MAMDC2: variants seen among roughly 807,000 people sequenced by gnomAD.
MAMDC2 encodes MAM domain containing 2, also known as MAM domain-containing protein 2.
A neutral mutation model predicts 89.8 loss-of-function variants in MAMDC2; 57 were observed. The ratio of observed to expected loss-of-function variants is 0.63; its 90% CI spans 0.51 to 0.79. MAMDC2 has a LOEUF of 0.79. Ranked by LOEUF, MAMDC2 falls within the 30% of genes least tolerant of loss-of-function variation. The pLI is 0.00. For synonymous variants in MAMDC2, 313 were observed against 293.4 expected, an observed-to-expected ratio of 1.07 and a Z score of -0.68; for missense variants, 800 against 820.6, an observed-to-expected ratio of 0.97 and a Z score of 0.31.
At chr9:70,049,397 T>A (rs1038822159) in intron 2 of MAMDC2, among the ~76,000 whole-genome samples, 1 of 152,100 alleles carries the variant, frequency 6.6e-6, no homozygotes, top group African/African-American at 2.4e-5. Context: ...CAGTGATGAA[T>A]CCTGCCTGCT....
chr9:70,206,687 T>G (rs1288464268), intron 11 of MAMDC2, among the ~76,000 whole-genome samples: 2 of 152,128 alleles, frequency 1.3e-5, no homozygotes, highest in Non-Finnish European at 2.9e-5. Context: ...CGTACACATT[T>G]GTTACATATG....
At chr9:70,126,705 G>A (rs550109459) in intron 6 of MAMDC2, among the ~76,000 whole-genome samples, 2 of 152,186 alleles carry the variant, frequency 1.3e-5, no homozygotes, top group African/African-American at 2.4e-5. Flanking sequence ...CTCTCCTTCT[G>A]AACCTTGCAC....
At chr9:70,208,973 G>T (rs1587572778) in intron 11 of MAMDC2, among the ~76,000 whole-genome samples, 1 of 152,184 alleles carries the variant, frequency 6.6e-6, no homozygotes, top group African/African-American at 2.4e-5. Context: ...GCATCCCAGG[G>T]ATGAAGCCAA....
In MAMDC2 at chr9:70,056,763, A is replaced by G. The variant is rs564669719; in HGVS notation, c.148+12066A>G. ...GCAGCAGGCAGGCAAGCGAGGCTTCATCTGTATTTACAGCCACTCCCCATC... is the reference window on the plus strand; with the variant it reads ...GCAGCAGGCAGGCAAGCGAGGCTTCGTCTGTATTTACAGCCACTCCCCATC... On this transcript the variant is annotated intron_variant, in intron 2 of 13. Transcript: ENST00000377182. Among the ~76,000 whole-genome samples the G allele has an allele frequency of 2.0e-5, 3 of 152,296 alleles. No homozygotes were observed. In the East Asian group the frequency reaches 5.8e-4, roughly 29 times the overall value.
At chr9:70,045,633 C>T (rs181736499) in intron 2 of MAMDC2, among the ~76,000 whole-genome samples, 139 of 152,282 alleles carry the variant, frequency 9.1e-4, no homozygotes, top group Middle Eastern at 3.4e-3. Flanking sequence ...GGATGGAGCC[C>T]GGAACCCCTG....
chr9:70,086,558 T>A (rs1428742107), intron 2 of MAMDC2: 1 of 152,176 alleles, frequency 6.6e-6, no homozygotes, highest in Non-Finnish European at 1.5e-5. Flanking sequence ...CTATTTGGAA[T>A]CATCCACATT....
At chr9:70,057,801 G>A (rs1434595668) in intron 2 of MAMDC2, among the ~76,000 whole-genome samples, 2 of 152,150 alleles carry the variant, frequency 1.3e-5, no homozygotes, top group African/African-American at 2.4e-5. Flanking sequence ...CCTTGGAGAC[G>A]TTGACAAAGG....
intron 11 of MAMDC2, among the ~76,000 whole-genome samples, chr9:70,185,127 C>T (rs566550801): frequency 2.0e-5 from 3 of 152,318 alleles, no homozygotes; most frequent in South Asian, 2.1e-4. Flanking sequence ...TTTCTTCTAA[C>T]AGTCAGGCCC....
intron 2 of MAMDC2, among the ~76,000 whole-genome samples, chr9:70,050,373 T>C (rs1462253992): frequency 3.3e-5 from 5 of 152,204 alleles, no homozygotes; most frequent in Non-Finnish European, 7.3e-5. Flanking sequence ...TCAAAGGTAG[T>C]TCCTTATCAT....
rs961334271 is a variant in MAMDC2 at position 70,225,912 on chromosome 9, T to C, written c.1997-56T>C. The stretch of plus-strand genomic sequence containing the variant: ...CTGTCTCAAACTACAAGAATACAAA[T>C]TAAATATTTTTCTATAATAAAAATA... On this transcript the variant is annotated intron_variant, in intron 13 of 13. Coordinates refer to ENST00000377182, the MANE Select transcript of MAMDC2 (RefSeq NM_153267.5). The C allele has an allele frequency of 4.1e-6, 6 of 1,457,026 alleles. No individual in the cohort carries two copies. In the African/African-American group the frequency reaches 8.6e-5, roughly 21 times the overall value. The allele number at this position is 1,457,026 out of a possible 1,614,324, so 90.3% of individuals were successfully genotyped here.
At chr9:70,058,300 T>C (rs1387391837) in intron 2 of MAMDC2, among the ~76,000 whole-genome samples, 1 of 152,056 alleles carries the variant, frequency 6.6e-6, no homozygotes, top group East Asian at 1.9e-4. Context: ...ATAGAGCAAG[T>C]TATTGGTGGA....
intron 2 of MAMDC2, among the ~76,000 whole-genome samples, chr9:70,057,843 C>A (rs969277260): frequency 5.3e-5 from 8 of 152,314 alleles, no homozygotes; most frequent in African/African-American, 1.7e-4. Flanking sequence ...TCTGAGATTT[C>A]ATTTCATTCT....
chr9:70,197,865 T>C (rs994918462), intron 11 of MAMDC2, among the ~76,000 whole-genome samples: 1 of 152,096 alleles, frequency 6.6e-6, no homozygotes, highest in Non-Finnish European at 1.5e-5. Context: ...TTCTGATGTA[T>C]CCTTAGAAAG....
rs762073583 is a variant in MAMDC2, at chr9:70,151,406, T to G, written c.1404+7587T>G. ...CATGAGGACAGGGACCTTGTCGGTC[T>G]TGTTCATCTCTGTATCCACAGCATC... is the stretch of plus-strand genomic sequence containing the variant. On this transcript the variant is annotated intron_variant, in intron 9 of 13. Transcript: ENST00000377182. 1.2e-3 allele frequency among the ~76,000 whole-genome samples: 185 copies of G among 152,396 alleles called. 1 individual carries two copies. Among genetic ancestry groups the G allele is most frequent in the Non-Finnish European group, 7.9e-4 (54 of 68,044 alleles).
intron 2 of MAMDC2, among the ~76,000 whole-genome samples, chr9:70,104,273 T>TA (rs1226167533): frequency 1.3e-5 from 2 of 151,732 alleles, no homozygotes; most frequent in Non-Finnish European, 2.9e-5. Flanking sequence ...TCACTAAAAT[T>TA]AAAAAAAAGA....
intron 11 of MAMDC2, among the ~76,000 whole-genome samples, chr9:70,197,263 G>C (rs2032990020): frequency 6.6e-6 from 1 of 152,106 alleles, no homozygotes. Context: ...ATTAAAACCA[G>C]AAACTGCAAA....
At chr9:70,074,933 A>G (rs1049610515) in intron 2 of MAMDC2, among the ~76,000 whole-genome samples, 5 of 152,216 alleles carry the variant, frequency 3.3e-5, no homozygotes. Context: ...AGCTGCAAAG[A>G]ATGCTGAAAA....
rs191544730 is a variant in MAMDC2 at position 70,120,560 on chromosome 9, T to C, written c.644-5599T>C. Among the ~76,000 whole-genome samples the C allele has an allele frequency of 9.8e-5, 15 of 152,296 alleles. No individual in the cohort carries two copies. In the East Asian group the frequency reaches 2.9e-3, roughly 29 times the overall value. ...CCCCATCTCCAATCTCTCTGATTCA[T>C]CTCGAGCCTTCTCATATGCACAGGC... is the stretch of plus-strand genomic sequence containing the variant. On this transcript the variant is annotated intron_variant, in intron 5 of 13. Coordinates refer to ENST00000377182, the MANE Select transcript of MAMDC2 (RefSeq NM_153267.5).
intron 11 of MAMDC2, among the ~76,000 whole-genome samples, chr9:70,215,836 G>A (rs2033436015): frequency 6.6e-6 from 1 of 152,174 alleles, no homozygotes; most frequent in South Asian, 2.1e-4. Context: ...GGGGGAAGAG[G>A]TTGCACAGTG....
Sources: gnomAD v4.1 joint callset for allele counts (sites outside exome capture counted in the v4.1 genomes callset) on GRCh38, gnomAD v4.1.1 for gene constraint, MANE v1.5 for transcripts, NCBI Gene and HGNC (gene_info 2026-07-23, HGNC 2026-07-21) for gene names.